Variants in BBX observed in about 807,000 individuals in gnomAD.
BBX encodes HMG box transcription factor BBX.
BBX carries 30 observed loss-of-function variants against 100.2 expected under a neutral mutation model. The observed-to-expected ratio is 0.30, with a 90% CI of 0.22 to 0.41. The LOEUF (loss-of-function observed/expected upper bound fraction) is 0.41. BBX is among the 10% of genes least tolerant of loss of function. The pLI, the probability that BBX is intolerant of heterozygous loss-of-function variation, is 1.00. For synonymous variants in BBX, 376 were observed against 388.1 expected, an observed-to-expected ratio of 0.97 and a Z score of 0.37; for missense variants, 1,023 against 1,129.8, an observed-to-expected ratio of 0.91 and a Z score of 1.35.
intron 15 of BBX, among the ~76,000 whole-genome samples, chr3:107,791,950 A>G (rs2069104302): frequency 6.6e-6 from 1 of 152,174 alleles, no homozygotes; most frequent in African/African-American, 2.4e-5. Context: ...TCAGTGAGCC[A>G]AGATCGTACC....
intron 3 of BBX, among the ~76,000 whole-genome samples, chr3:107,665,697 TC>T: frequency 1.3e-5 from 2 of 152,326 alleles, no homozygotes; most frequent in South Asian, 4.1e-4. Flanking sequence ...ATGTCTGAGT[TC>T]TGCCTTCTTG....
intron 1 of BBX, among the ~76,000 whole-genome samples, chr3:107,524,812 G>T (rs1434270718): frequency 7.3e-6 from 1 of 136,998 alleles, no homozygotes; most frequent in Non-Finnish European, 1.6e-5. Flanking sequence ...TGGGGGGGGG[G>T]GCGAAGGGGA....
intron 17 of BBX, among the ~76,000 whole-genome samples, chr3:107,803,865 C>T (rs1368602004): frequency 6.6e-6 from 1 of 152,150 alleles, no homozygotes; most frequent in African/African-American, 2.4e-5. Flanking sequence ...TGACTTCTTT[C>T]CTTTTTCCAT....
Position 107,806,026 on chromosome 3 carries a change from A to G in BBX, c.*569A>G, listed in dbSNP as rs1438488192. 2 of 152,088 alleles carry G rather than the reference A, an allele frequency of 1.3e-5. No homozygotes were observed. The highest frequency in any genetic ancestry group is 2.4e-5 in the African/African-American group (1 of 41,370). The allele number at this position is 152,088 out of a possible 1,614,324, so 9.4% of individuals were successfully genotyped here. On this transcript the variant is annotated 3_prime_UTR_variant, in exon 18 of 18. Coordinates refer to ENST00000325805, the MANE Select transcript of BBX (RefSeq NM_001142568.3). ...AGACTCCCAAGCAGCCTGGGCAGGCAGATGTACCATTGTTAGTGGTGTATG... is the reference window on the plus strand; with the variant it reads ...AGACTCCCAAGCAGCCTGGGCAGGCGGATGTACCATTGTTAGTGGTGTATG...
intron 9 of BBX, among the ~76,000 whole-genome samples, chr3:107,748,602 A>C (rs2064816971): frequency 6.6e-6 from 1 of 152,126 alleles, no homozygotes; most frequent in Admixed American, 6.5e-5. Context: ...CCAGAGGGTA[A>C]TTTTTTTGGT....
At chr3:107,798,500 A>G in intron 15 of BBX, 23 bp from the exon 16 acceptor site, 1 of 1,606,870 alleles carries the variant, frequency 6.2e-7, no homozygotes, top group East Asian at 2.2e-5. Context: ...GTGCATAACT[A>G]TGCATGGTAT....
intron 10 of BBX, among the ~76,000 whole-genome samples, chr3:107,760,065 T>G (rs1001431995): frequency 2.1e-4 from 32 of 152,228 alleles, no homozygotes; most frequent in Admixed American, 9.8e-4. Flanking sequence ...ACTATCATTC[T>G]TCTTTTACAC....
rs549288918 is a variant in BBX at position 107,805,581 on chromosome 3, C to G, written c.*124C>G. ...GCAAACAAGTGCTTGTTGCCCCACACGGCCCAGATTCACTTGAAGCAGAAG... is the reference window on the plus strand; with the variant it reads ...GCAAACAAGTGCTTGTTGCCCCACAGGGCCCAGATTCACTTGAAGCAGAAG... On this transcript the variant is annotated 3_prime_UTR_variant, in exon 18 of 18. Transcript: ENST00000325805. 1.3e-6 allele frequency: 2 copies of G among 1,542,554 alleles called. No individual in the cohort carries two copies. The highest frequency in any genetic ancestry group is 1.4e-5 in the African/African-American group (1 of 72,932).
chr3:107,666,266 A>G (rs2058736529), intron 3 of BBX, among the ~76,000 whole-genome samples: 3 of 152,194 alleles, frequency 2.0e-5, no homozygotes, highest in Admixed American at 6.5e-5. Flanking sequence ...GTTCTTTAAC[A>G]AAGGTCAGGT....
chr3:107,620,060 GCT>G (rs1216456220), intron 2 of BBX, among the ~76,000 whole-genome samples: 1 of 151,854 alleles, frequency 6.6e-6, no homozygotes, highest in Non-Finnish European at 1.5e-5. Flanking sequence ...GGTCCCTGAG[GCT>G]CTGTTTATTT....
In BBX at chr3:107,811,248, A is replaced by G. The variant is rs2071271052; in HGVS notation, c.*5791A>G. Reference sequence around the variant, plus strand: ...TCTTTATGTTCACACTACTGGCCGTAGAGTATGTGCCTTTAATGTACCATT... The same window carrying G: ...TCTTTATGTTCACACTACTGGCCGTGGAGTATGTGCCTTTAATGTACCATT... On this transcript the variant is annotated 3_prime_UTR_variant, in exon 18 of 18. Transcript: ENST00000325805. 1.3e-5 allele frequency: 2 copies of G among 152,218 alleles called. No individual in the cohort carries two copies. The highest frequency in any genetic ancestry group is 1.3e-4 in the Admixed American group (2 of 15,278). 9.4% of individuals were successfully genotyped at this position (152,218 alleles called of 1,614,324 possible).
chr3:107,787,742 G>C (rs2068587724), intron 13 of BBX, among the ~76,000 whole-genome samples: 1 of 152,192 alleles, frequency 6.6e-6, no homozygotes, highest in Non-Finnish European at 1.5e-5. Flanking sequence ...GTTTTATATA[G>C]AGTGGTCTGA....
intron 2 of BBX, among the ~76,000 whole-genome samples, chr3:107,628,084 G>A (rs2056314225): frequency 6.6e-6 from 1 of 152,024 alleles, no homozygotes; most frequent in Non-Finnish European, 1.5e-5. Flanking sequence ...TCATAAAGAG[G>A]TGGTACCCAT....
intron 3 of BBX, among the ~76,000 whole-genome samples, chr3:107,671,701 A>T (rs1385056810): frequency 6.6e-6 from 1 of 152,112 alleles, no homozygotes; most frequent in East Asian, 1.9e-4. Flanking sequence ...CAATTCACAC[A>T]TTTTATTAGA....
At chr3:107,555,028 A>G (rs1481935970) in intron 2 of BBX, among the ~76,000 whole-genome samples, 1 of 152,146 alleles carries the variant, frequency 6.6e-6, no homozygotes, top group African/African-American at 2.4e-5. Context: ...AGATCGTGGC[A>G]TTGCACTCCA....
chr3:107,541,668 C>G (rs899953517), intron 2 of BBX, among the ~76,000 whole-genome samples: 2 of 151,930 alleles, frequency 1.3e-5, no homozygotes, highest in African/African-American at 4.8e-5. Context: ...TAATCCCCCC[C>G]CCATGAGACA....
At chr3:107,645,737 A>G (rs932709827) in intron 2 of BBX, 99 bp from the exon 3 acceptor site, 1 of 152,532 alleles carries the variant, frequency 6.6e-6, no homozygotes, top group Non-Finnish European at 1.5e-5. Flanking sequence ...AATTCATTTT[A>G]TTTGGAGATT....
intron 15 of BBX, among the ~76,000 whole-genome samples, chr3:107,795,977 A>G (rs537693361): frequency 3.3e-5 from 5 of 152,216 alleles, no homozygotes; most frequent in Admixed American, 6.5e-5. Context: ...TTCCCAGCCT[A>G]TGACTCTGGA....
chr3:107,767,675 A>T (rs894931623), intron 10 of BBX, among the ~76,000 whole-genome samples: 3 of 152,230 alleles, frequency 2.0e-5, no homozygotes, highest in Non-Finnish European at 2.9e-5. Context: ...CATTCTAATC[A>T]TGTTTGAATC....
Sources: gnomAD v4.1 joint callset for allele counts (sites outside exome capture counted in the v4.1 genomes callset) on GRCh38, gnomAD v4.1.1 for gene constraint, MANE v1.5 for transcripts, NCBI Gene and HGNC (gene_info 2026-07-23, HGNC 2026-07-21) for gene names.